DOK6: variants seen among roughly 807,000 people sequenced by gnomAD.
The protein encoded by DOK6 is docking protein 6, also known as downstream of tyrosine kinase 6.
A neutral mutation model predicts 44.0 loss-of-function variants in DOK6; 22 were observed. The ratio of observed to expected loss-of-function variants is 0.50; its 90% CI spans 0.36 to 0.71. The LOEUF is 0.71. Among genes scored for constraint, DOK6 ranks in the 30% least tolerant of loss-of-function variants. The pLI is 0.00. For missense variants in DOK6, 340 were observed against 416.4 expected, an observed-to-expected ratio of 0.82 and a Z score of 1.60; for synonymous variants, 166 against 145.5, an observed-to-expected ratio of 1.14 and a Z score of -1.01.
At position 69,526,286 on chromosome 18, in the gene DOK6, G is replaced by T. The variant is rs528091359; in HGVS notation, c.67-38201G>T. The stretch of plus-strand genomic sequence containing the variant: ...AGGCAACCACTGGTTACTGGTTTCT[G>T]TTTATTTGTCTATTACAGACATTTC... On this transcript the variant is annotated intron_variant, in intron 1 of 7. Coordinates refer to ENST00000382713, the MANE Select transcript of DOK6 (RefSeq NM_152721.6). 3.7e-4 allele frequency among the ~76,000 whole-genome samples: 57 copies of T among 152,142 alleles called. 1 individual carries two copies. The South Asian group carries it at 0.011, about 30-fold the overall frequency.
chr18:69,827,750 C>G (rs1255561363), intron 7 of DOK6, among the ~76,000 whole-genome samples: 1 of 151,980 alleles, frequency 6.6e-6, no homozygotes, highest in East Asian at 1.9e-4. Flanking sequence ...TGCATACTGA[C>G]TCCTCTGTAA....
At chr18:69,647,061 ATCTG>A (rs1985096646) in intron 3 of DOK6, among the ~76,000 whole-genome samples, 1 of 65,512 alleles carries the variant, frequency 1.5e-5, no homozygotes, top group East Asian at 2.8e-4. Context: ...TGTCTATCCT[ATCTG>A]TCTATCCCAT....
intron 1 of DOK6, among the ~76,000 whole-genome samples, chr18:69,460,106 T>C (rs964778231): frequency 1.3e-5 from 2 of 152,190 alleles, no homozygotes; most frequent in Admixed American, 6.5e-5. Context: ...TTTTAAGCAC[T>C]TCTGTACTTT....
chr18:69,614,564 G>C (rs75765671), intron 3 of DOK6, among the ~76,000 whole-genome samples: 3 of 119,906 alleles, frequency 2.5e-5, no homozygotes, highest in Non-Finnish European at 4.0e-5. Context: ...GTGTGTGTGT[G>C]TGTGTGTGTG....
At chr18:69,756,255 AC>A (rs1292886033) in intron 6 of DOK6, among the ~76,000 whole-genome samples, 2 of 152,036 alleles carry the variant, frequency 1.3e-5, no homozygotes, top group African/African-American at 4.8e-5. Flanking sequence ...TGAAAGCACT[AC>A]TCTATGATAA....
chr18:69,471,250 C>CAAAA (rs71176969), intron 1 of DOK6, among the ~76,000 whole-genome samples: 764 of 27,716 alleles, frequency 0.028, 37 homozygotes, highest in Non-Finnish European at 0.031. Context: ...AACTCCATCT[C>CAAAA]AAAAAAAAAA....
intron 1 of DOK6, among the ~76,000 whole-genome samples, chr18:69,487,177 ATG>A (rs5825940): frequency 0.18 from 24,634 of 139,768 alleles, 1,865 homozygotes; most frequent in Non-Finnish European, 0.21. Flanking sequence ...CTGATAGGAT[ATG>A]TGTGTGTGTG....
In DOK6 at chr18:69,406,783, AT is replaced by A. The variant is rs773109722; in HGVS notation, c.66+5474del. Among the ~76,000 whole-genome samples, 152 of 152,312 alleles carry A rather than the reference AT, an allele frequency of 1.0e-3. 1 individual carries two copies. Among genetic ancestry groups the A allele is most frequent in the Non-Finnish European group, 6.3e-4 (43 of 68,026 alleles). Reference sequence around the variant, plus strand: ...GGATCAGTATAAAATAGAATACGGAATAAAAAATTAGTTTAGGCTGGGTGCG... The same window carrying A: ...GGATCAGTATAAAATAGAATACGGAAAAAAAATTAGTTTAGGCTGGGTGCG... On this transcript the variant is annotated intron_variant, in intron 1 of 7. Coordinates refer to ENST00000382713, the MANE Select transcript of DOK6 (RefSeq NM_152721.6).
chr18:69,634,942 C>G (rs1342983261), intron 3 of DOK6, among the ~76,000 whole-genome samples: 1 of 152,048 alleles, frequency 6.6e-6, no homozygotes, highest in Admixed American at 6.5e-5. Context: ...GCTTAATTTC[C>G]TCCCCAAGTA....
At chr18:69,620,519 A>C (rs920613482) in intron 3 of DOK6, among the ~76,000 whole-genome samples, 27 of 152,242 alleles carry the variant, frequency 1.8e-4, no homozygotes, top group African/African-American at 6.3e-4. Flanking sequence ...GAGAGGACGG[A>C]TCAAGGGTAA....
intron 1 of DOK6, among the ~76,000 whole-genome samples, chr18:69,462,122 A>G (rs962626536): frequency 6.6e-6 from 1 of 152,202 alleles, no homozygotes; most frequent in Non-Finnish European, 1.5e-5. Flanking sequence ...TTGAAATTCC[A>G]AAGTGTGTTA....
intron 3 of DOK6, among the ~76,000 whole-genome samples, chr18:69,615,415 T>C (rs1219776343): frequency 1.3e-5 from 2 of 152,240 alleles, no homozygotes; most frequent in African/African-American, 4.8e-5. Context: ...GAACAACTTA[T>C]ATTTCTAGCT....
chr18:69,595,270 A>T (rs1378053424), intron 2 of DOK6, among the ~76,000 whole-genome samples: 1 of 152,234 alleles, frequency 6.6e-6, no homozygotes, highest in East Asian at 1.9e-4. Context: ...TAAGCACAAC[A>T]GTTTTGGCAC....
intron 1 of DOK6, among the ~76,000 whole-genome samples, chr18:69,518,335 C>A (rs762535238): frequency 6.6e-6 from 1 of 151,728 alleles, no homozygotes; most frequent in African/African-American, 2.4e-5. Context: ...CTTTCCTTTT[C>A]TTTTCATAAT....
intron 1 of DOK6, among the ~76,000 whole-genome samples, chr18:69,548,442 C>G (rs528385086): frequency 6.6e-6 from 1 of 151,652 alleles, no homozygotes; most frequent in African/African-American, 2.4e-5. Context: ...TATCAGAGAG[C>G]CACTGCATTT....
At chr18:69,747,382 C>T (rs1049371503) in intron 6 of DOK6, among the ~76,000 whole-genome samples, 2 of 151,946 alleles carry the variant, frequency 1.3e-5, no homozygotes, top group Admixed American at 1.3e-4. Context: ...GGAAGAAAAG[C>T]CTCAAATCAA....
chr18:69,522,898 G>A (rs979473245), intron 1 of DOK6, among the ~76,000 whole-genome samples: 1 of 152,048 alleles, frequency 6.6e-6, no homozygotes, highest in African/African-American at 2.4e-5. Flanking sequence ...TCTTTCTTAC[G>A]AGGGTAGGTT....
intron 3 of DOK6, chr18:69,660,404 A>G (rs1985492015): frequency 6.6e-6 from 1 of 152,226 alleles, no homozygotes; most frequent in African/African-American, 2.4e-5. Flanking sequence ...ACAAGTCTCA[A>G]TGAGGCTAAC....
intron 3 of DOK6, among the ~76,000 whole-genome samples, chr18:69,633,236 T>C (rs1205181733): frequency 2.0e-5 from 3 of 152,224 alleles, no homozygotes; most frequent in Non-Finnish European, 4.4e-5. Context: ...TGAATTAATT[T>C]ATTTTTCTTC....
Sources: allele counts gnomAD v4.1 joint callset (sites outside exome capture counted in the v4.1 genomes callset), GRCh38; gene constraint gnomAD v4.1.1; transcripts MANE v1.5; gene names NCBI Gene and HGNC (gene_info 2026-07-23, HGNC 2026-07-21).